Variants in CDKL4 observed in about 807,000 individuals in gnomAD.
CDKL4 encodes the protein cyclin-dependent kinase-like 4.
In CDKL4, 44 loss-of-function variants were observed where a neutral mutation model predicts 42.0. That is an observed-to-expected ratio of 1.05 (90% CI 0.82 to 1.35). CDKL4 has a LOEUF of 1.35. CDKL4 is among the 40% of genes most tolerant of loss of function. The pLI is 0.00. For missense variants in CDKL4, 393 were observed against 369.9 expected (o/e 1.06, Z -0.51); for synonymous variants, 120 against 121.6 (o/e 0.99, Z 0.09).
chr2:39,191,342 C>G (rs908505598), intron 5 of CDKL4, among the ~76,000 whole-genome samples: 1 of 151,992 alleles, frequency 6.6e-6, no homozygotes, highest in African/African-American at 2.4e-5. Flanking sequence ...TGCAGTGAGC[C>G]GTGATCATGC....
At chr2:39,233,774 CAA>C (rs1448424905) in intron 1 of CDKL4, among the ~76,000 whole-genome samples, 1 of 151,216 alleles carries the variant, frequency 6.6e-6, no homozygotes, top group Non-Finnish European at 1.5e-5. Flanking sequence ...AAAACTAACA[CAA>C]ACACTTCAAA....
chr2:39,246,138 CT>C (rs1397144612), upstream of CDKL4, among the ~76,000 whole-genome samples: 1 of 152,228 alleles, frequency 6.6e-6, no homozygotes, highest in Non-Finnish European at 1.5e-5. Context: ...CATCTCCATA[CT>C]TCCCTAAACA....
chr2:39,172,268 C>T (rs1012267571), downstream of CDKL4, among the ~76,000 whole-genome samples: 8 of 151,064 alleles, frequency 5.3e-5, no homozygotes, highest in South Asian at 2.1e-4. Context: ...GCCAAGATTG[C>T]GCCATTGCAT....
At chr2:39,225,981 A>C (rs776210677) in intron 2 of CDKL4, 21 bp from the exon 3 acceptor site, 1 of 1,604,096 alleles carries the variant, frequency 6.2e-7, no homozygotes, top group Admixed American at 1.7e-5. Context: ...ATTGAAATGC[A>C]AAGTTAAGTG....
intron 3 of CDKL4, among the ~76,000 whole-genome samples, chr2:39,217,985 G>A (rs1291450488): frequency 1.3e-5 from 2 of 151,842 alleles, no homozygotes; most frequent in Non-Finnish European, 2.9e-5. Context: ...TGCCTGCCTC[G>A]GCCTCCCAAA....
intron 7 of CDKL4, among the ~76,000 whole-genome samples, chr2:39,186,729 C>A (rs1675850788): frequency 1.3e-5 from 2 of 151,374 alleles, no homozygotes; most frequent in African/African-American, 2.4e-5. Context: ...GTTTTACAAG[C>A]CGAAAAAATT....
At chr2:39,236,219 G>C (rs1191343194) in intron 1 of CDKL4, among the ~76,000 whole-genome samples, 1 of 147,986 alleles carries the variant, frequency 6.8e-6, no homozygotes, top group Non-Finnish European at 1.5e-5. Flanking sequence ...GATCTGAGAT[G>C]ACAGAAGAAA....
intron 3 of CDKL4, among the ~76,000 whole-genome samples, chr2:39,213,889 T>TTTTTGTTTTGTTTTG (rs70954795): frequency 4.0e-5 from 6 of 148,584 alleles, no homozygotes; most frequent in East Asian, 2.0e-4. Flanking sequence ...CTCTGTACTT[T>TTTTTGTTTTGTTTTG]TTTTGTTTTG....
chr2:39,168,545 G>C, the CDKL4 span, among the ~76,000 whole-genome samples: 1 of 152,008 alleles, frequency 6.6e-6, no homozygotes. Context: ...AGACCAGCCT[G>C]GTCAACATGG....
chr2:39,215,414 G>C (rs1156257101), intron 3 of CDKL4, among the ~76,000 whole-genome samples: 1 of 152,128 alleles, frequency 6.6e-6, no homozygotes, highest in Non-Finnish European at 1.5e-5. Context: ...TTTGCTCAGT[G>C]TTGTTTGTCT....
intron 1 of CDKL4, among the ~76,000 whole-genome samples, chr2:39,243,015 G>A (rs1332818638): frequency 6.8e-6 from 1 of 146,638 alleles, no homozygotes; most frequent in East Asian, 2.1e-4. Context: ...CAAGAGGATC[G>A]CTGAACCTGG....
chr2:39,242,955 C>G (rs1211218695), intron 1 of CDKL4, among the ~76,000 whole-genome samples: 2 of 151,460 alleles, frequency 1.3e-5, no homozygotes, highest in Non-Finnish European at 2.9e-5. Flanking sequence ...AAAAAAGTTG[C>G]TGGGCGTGGT....
At chr2:39,198,173 G>A (rs995847903) in intron 5 of CDKL4, among the ~76,000 whole-genome samples, 2 of 151,392 alleles carry the variant, frequency 1.3e-5, no homozygotes, top group Non-Finnish European at 2.9e-5. Context: ...CACCAAAAGT[G>A]AGCAGGAATA....
At chr2:39,226,107 T>C in intron 2 of CDKL4, 147 bp from the exon 3 acceptor site, 1 of 641,494 alleles carries the variant, frequency 1.6e-6, no homozygotes, top group Non-Finnish European at 2.4e-6. Context: ...CTTGAATCTC[T>C]CTGGTGATAG....
At chr2:39,225,220 T>G (rs949744013) in intron 3 of CDKL4, among the ~76,000 whole-genome samples, 1 of 151,926 alleles carries the variant, frequency 6.6e-6, no homozygotes, top group Non-Finnish European at 1.5e-5. Context: ...GCCAAGATGG[T>G]GAAACCCCGT....
downstream of CDKL4, among the ~76,000 whole-genome samples, chr2:39,170,672 GTC>G (rs1674976340): frequency 6.6e-6 from 1 of 151,954 alleles, no homozygotes; most frequent in Admixed American, 6.6e-5. Context: ...GGCCAGGCTG[GTC>G]TCAAACTCCT....
chr2:39,185,683 G>T (rs1038639818), intron 7 of CDKL4, among the ~76,000 whole-genome samples: 1 of 151,182 alleles, frequency 6.6e-6, no homozygotes, highest in Non-Finnish European at 1.5e-5. Flanking sequence ...GGATGGTCTC[G>T]ATCTCCCGAC....
At chr2:39,243,817 T>G (rs987286817) in intron 1 of CDKL4, among the ~76,000 whole-genome samples, 54 bp downstream of exon 1, 34 of 152,138 alleles carry the variant, frequency 2.2e-4, no homozygotes, top group African/African-American at 7.2e-4. Context: ...GCTCACCCCA[T>G]CAACCCCGCA....
At chr2:39,179,108 T>C (rs1450352534) in intron 9 of CDKL4, 79 bp downstream of exon 9, 2 of 1,549,796 alleles carry the variant, frequency 1.3e-6, no homozygotes, top group African/African-American at 1.4e-5. Context: ...GTGTCCACCT[T>C]GTCTCACTTT....
Sources: allele counts gnomAD v4.1 joint callset (sites outside exome capture counted in the v4.1 genomes callset), GRCh38; gene constraint gnomAD v4.1.1; transcripts MANE v1.5; gene names NCBI Gene and HGNC (gene_info 2026-07-23, HGNC 2026-07-21).